Variants in RNMT observed in about 807,000 individuals in gnomAD.
RNMT encodes mRNA cap guanine-N(7) methyltransferase.
In RNMT, 27 loss-of-function variants were observed where a neutral mutation model predicts 56.0. The ratio of observed to expected loss-of-function variants is 0.48; its 90% CI spans 0.36 to 0.67. The LOEUF (loss-of-function observed/expected upper bound fraction) is 0.67. Ranked by LOEUF, RNMT falls within the 30% of genes least tolerant of loss-of-function variation. The probability of loss-of-function intolerance (pLI) is 0.00; values close to 1 mark genes in which losing one functional copy is unlikely to be tolerated. For missense variants in RNMT, 519 were observed against 552.1 expected (o/e 0.94, Z 0.60); for synonymous variants, 184 against 176.2 (o/e 1.04, Z -0.35).
At chr18:13,738,725 C>G (rs2044205667) in intron 5 of RNMT, among the ~76,000 whole-genome samples, 1 of 152,206 alleles carries the variant, frequency 6.6e-6, no homozygotes, top group African/African-American at 2.4e-5. Context: ...GGGAAGAAGT[C>G]CAGCCCACAG....
chr18:13,761,903 T>G lies in RNMT; in HGVS notation c.*1924T>G. On this transcript the variant is annotated 3_prime_UTR_variant, in exon 12 of 12. Coordinates refer to ENST00000383314, the MANE Select transcript of RNMT (RefSeq NM_003799.3). ...CTTGTTACAATTAAGTTTCTGGATA[T>G]TGACTTAAGAACTGTTAGGAAGAGG... 1 of 1,242,380 alleles carries G rather than the reference T, an allele frequency of 8.0e-7. No individual in the cohort carries two copies. Among genetic ancestry groups the G allele is most frequent in the South Asian group, 2.0e-5 (1 of 51,110 alleles). 77.0% of individuals were successfully genotyped at this position (1,242,380 alleles called of 1,614,324 possible).
At chr18:13,739,112 C>T (rs554030424) in intron 5 of RNMT, among the ~76,000 whole-genome samples, 10 of 152,144 alleles carry the variant, frequency 6.6e-5, no homozygotes, top group East Asian at 5.8e-4. Context: ...TCTGCATAAC[C>T]GTAGTTTGTC....
chr18:13,736,162 AT>A (rs2149087100), intron 4 of RNMT, among the ~76,000 whole-genome samples: 1 of 152,344 alleles, frequency 6.6e-6, no homozygotes, highest in Non-Finnish European at 1.5e-5. Flanking sequence ...ATTATGGAAC[AT>A]TTGTGCTTCT....
chr18:13,763,207 C>T lies in RNMT; in HGVS notation c.*3228C>T, dbSNP rs1349772914. ...CACACTTGACAAGTGTTTTCATTCC[C>T]CGCCCTCTGACAGAACAACATTCCT... On this transcript the variant is annotated 3_prime_UTR_variant, in exon 12 of 12. Coordinates refer to ENST00000383314, the MANE Select transcript of RNMT (RefSeq NM_003799.3). 1 of 450,748 alleles carries T rather than the reference C, an allele frequency of 2.2e-6. No individual in the cohort carries two copies. Among genetic ancestry groups the T allele is most frequent in the African/African-American group, 2.0e-5 (1 of 50,012 alleles). The allele number at this position is 450,748 out of a possible 1,614,324, so 27.9% of individuals were successfully genotyped here. A position where few individuals can be genotyped will look rare whatever the true frequency, so the allele number is the denominator to read the frequency against.
At position 13,746,474 on chromosome 18, in the gene RNMT, C is replaced by G. The variant is rs2044354229; in HGVS notation, c.1257+137C>G. Reference sequence around the variant, plus strand: ...TCAGCACCTAGGACGGAGCTTGATACAGAAACTGCATGGTGAGTGCTCAGT... The same window carrying G: ...TCAGCACCTAGGACGGAGCTTGATAGAGAAACTGCATGGTGAGTGCTCAGT... On this transcript the variant is annotated intron_variant, in intron 9 of 11. Transcript: ENST00000383314. The G allele has an allele frequency of 7.5e-6, 5 of 665,998 alleles. No homozygotes were observed. In the South Asian group the frequency reaches 8.6e-5, roughly 11 times the overall value. The allele number at this position is 665,998 out of a possible 1,614,324, so 41.3% of individuals were successfully genotyped here.
intron 9 of RNMT, among the ~76,000 whole-genome samples, chr18:13,748,353 CAAG>C (rs1568509772): frequency 2.0e-5 from 3 of 152,090 alleles, no homozygotes; most frequent in African/African-American, 7.2e-5. Context: ...ACTTCTTGAC[CAAG>C]TCACTCTGGT....
At position 13,761,848 on chromosome 18, in the gene RNMT, C is replaced by A. The variant is rs538346274; in HGVS notation, c.*1869C>A. The stretch of plus-strand genomic sequence containing the variant: ...TTCTTCCTCCACCACCCTACACCCC[C>A]CTCCCCCCGGCCCCAAGCCCCTGTG... On this transcript the variant is annotated 3_prime_UTR_variant, in exon 12 of 12. Coordinates refer to ENST00000383314, the MANE Select transcript of RNMT (RefSeq NM_003799.3). 2 of 1,181,718 alleles carry A rather than the reference C, an allele frequency of 1.7e-6. No individual in the cohort carries two copies. The highest frequency in any genetic ancestry group is 2.1e-5 in the South Asian group (1 of 48,542). 73.2% of individuals were successfully genotyped at this position (1,181,718 alleles called of 1,614,324 possible). A position where few individuals can be genotyped will look rare whatever the true frequency, so the allele number is the denominator to read the frequency against.
chr18:13,755,358 C>T (rs978746396), intron 11 of RNMT, among the ~76,000 whole-genome samples: 69 of 152,288 alleles, frequency 4.5e-4, no homozygotes, highest in African/African-American at 1.4e-3. Flanking sequence ...GTGCGTGTAA[C>T]GTTTTTAATC....
rs1287299409 is a variant in RNMT, at chr18:13,761,196, A to C, written c.*1217A>C. On this transcript the variant is annotated 3_prime_UTR_variant, in exon 12 of 12. Coordinates refer to ENST00000383314, the MANE Select transcript of RNMT (RefSeq NM_003799.3). ...GTGTTAGAGTTGCAAACTTTTTAGC[A>C]AGAAAATATGGATTTCCTCATTTCA... 7 of 985,354 alleles carry C rather than the reference A, an allele frequency of 7.1e-6. No homozygotes were observed. The highest frequency in any genetic ancestry group is 8.4e-6 in the Non-Finnish European group (7 of 829,948). The allele number at this position is 985,354 out of a possible 1,614,324, so 61.0% of individuals were successfully genotyped here. A position where few individuals can be genotyped will look rare whatever the true frequency, so the allele number is the denominator to read the frequency against.
chr18:13,745,987 T>C (rs1162743006), intron 8 of RNMT, among the ~76,000 whole-genome samples: 2 of 152,230 alleles, frequency 1.3e-5, no homozygotes, highest in Non-Finnish European at 2.9e-5. Flanking sequence ...ATTTACTTCC[T>C]GACCTTTATG....
In RNMT at chr18:13,731,684, C is replaced by G. The variant is rs1362975393; in HGVS notation, c.167C>G (p.Ala56Gly). ...KTSVCRQVDI[A>G]RKRKEFEDDL... ...TCTGTCTGTAGGCAAGTAGACATAG[C>G]AAGAAAGAGAAAAGAGTTTGAAGAT... Residue 56 changes from alanine to glycine, a missense_variant, in exon 3 of 12, where the codon GCA (alanine) becomes GGA (glycine). By Grantham distance (60) the Ala-to-Gly change is moderately conservative. Coordinates refer to ENST00000383314, the MANE Select transcript of RNMT (RefSeq NM_003799.3). The G allele has an allele frequency of 3.1e-6, 5 of 1,613,754 alleles. No homozygotes were observed. Among genetic ancestry groups the G allele is most frequent in the Non-Finnish European group, 4.2e-6 (5 of 1,179,966 alleles).
chr18:13,752,642 A>G (rs1167330868), intron 10 of RNMT, among the ~76,000 whole-genome samples: 2 of 152,216 alleles, frequency 1.3e-5, no homozygotes, highest in Non-Finnish European at 2.9e-5. Flanking sequence ...ATCTAAGGCA[A>G]TGAGGACAGT....
At chr18:13,743,662 ATGAT>A (rs1462392059) in intron 8 of RNMT, among the ~76,000 whole-genome samples, 3 of 152,086 alleles carry the variant, frequency 2.0e-5, no homozygotes, top group Non-Finnish European at 4.4e-5. Flanking sequence ...AGGCCATGTC[ATGAT>A]TGATTGAACT....
At chr18:13,730,916 C>G (rs2044056141) in intron 2 of RNMT, among the ~76,000 whole-genome samples, 161 bp downstream of exon 2, 1 of 152,214 alleles carries the variant, frequency 6.6e-6, no homozygotes, top group Admixed American at 6.5e-5. Context: ...CAAAATGGAA[C>G]TAGTGCATGT....
chr18:13,730,089 G>A lies in RNMT; in HGVS notation c.-171-538G>A, dbSNP rs568660724. 1.4e-4 allele frequency among the ~76,000 whole-genome samples: 22 copies of A among 152,300 alleles called. 1 individual carries two copies. In the East Asian group the frequency reaches 4.2e-3, roughly 29 times the overall value. ...ACAGGTGTGAGCCACTGTGCCCAGC[G>A]AAAGCTTAACATTTTAATAGTGGTA... On this transcript the variant is annotated intron_variant, in intron 1 of 11. Transcript: ENST00000383314.
chr18:13,748,128 A>G (rs2044382442), intron 9 of RNMT, among the ~76,000 whole-genome samples: 1 of 152,216 alleles, frequency 6.6e-6, no homozygotes, highest in Non-Finnish European at 1.5e-5. Context: ...GAGTATATAA[A>G]GGGCCTTTTG....
chr18:13,746,756 T>C (rs1192751700), intron 9 of RNMT, among the ~76,000 whole-genome samples: 1 of 152,234 alleles, frequency 6.6e-6, no homozygotes, highest in Non-Finnish European at 1.5e-5. Flanking sequence ...TGTCCCCTGG[T>C]GGACAAAATT....
At chr18:13,745,483 G>A (rs1381811008) in intron 8 of RNMT, among the ~76,000 whole-genome samples, 4 of 152,164 alleles carry the variant, frequency 2.6e-5, no homozygotes, top group Non-Finnish European at 5.9e-5. Context: ...GAGCACAGTG[G>A]GTAAAAGAGA....
intron 8 of RNMT, among the ~76,000 whole-genome samples, chr18:13,745,318 G>A (rs1197914927): frequency 1.3e-5 from 2 of 152,210 alleles, no homozygotes; most frequent in Non-Finnish European, 2.9e-5. Flanking sequence ...AAGAATGGAA[G>A]CAGGGGACAA....
Sources: gnomAD v4.1 joint callset for allele counts (sites outside exome capture counted in the v4.1 genomes callset) on GRCh38, gnomAD v4.1.1 for gene constraint, MANE v1.5 for transcripts, NCBI Gene and HGNC (gene_info 2026-07-23, HGNC 2026-07-21) for gene names.